CCDC187: variants seen among roughly 807,000 people sequenced by gnomAD.
CCDC187 encodes coiled-coil domain-containing protein 187.
A neutral mutation model predicts 38.0 loss-of-function variants in CCDC187; 32 were observed. The observed-to-expected ratio is 0.84, with a 90% CI of 0.64 to 1.13. The LOEUF is 1.13. Among genes scored for constraint, CCDC187 ranks in the 50% most tolerant of loss-of-function variants. The pLI is 0.00. For missense variants in CCDC187, 707 were observed against 786.8 expected (o/e 0.90, Z 1.21); for synonymous variants, 333 against 347.9 (o/e 0.96, Z 0.48).
At chr9:136,288,477 C>T (rs1231125620) in intron 7 of CCDC187, among the ~76,000 whole-genome samples, 3 of 152,162 alleles carry the variant, frequency 2.0e-5, no homozygotes, top group Non-Finnish European at 4.4e-5. Flanking sequence ...CCCTCCCTGG[C>T]CTCTGAGCCA....
rs1455244179 is a variant in CCDC187, at chr9:136,264,449, G to A, written c.3736-651C>T. On this transcript the variant is annotated intron_variant, in intron 17 of 25. Transcript: ENST00000638797. The surrounding 1 kb of genome is among the most constrained non-coding windows in gnomAD (Gnocchi z 4.3). ...GGCAGCGCCTGTTCTGCCAGGCCCC[G>A]TCGTTGCCATGTGACATGCAGACCC... Among the ~76,000 whole-genome samples, 2 of 152,176 alleles carry A rather than the reference G, an allele frequency of 1.3e-5. No individual in the cohort carries two copies. The highest frequency in any genetic ancestry group is 2.4e-5 in the African/African-American group (1 of 41,434).
intron 21 of CCDC187, 49 bp from the exon 22 acceptor site, chr9:136,259,050 G>A: frequency 1.0e-6 from 1 of 984,738 alleles, no homozygotes; most frequent in Non-Finnish European, 1.2e-6. Context: ...TGAAGGGAGG[G>A]CACCAAGGGC....
At chr9:136,279,712 G>C (rs1262588307) in intron 10 of CCDC187, among the ~76,000 whole-genome samples, 1 of 152,214 alleles carries the variant, frequency 6.6e-6, no homozygotes, top group Admixed American at 6.5e-5. Context: ...ACCTCCCTGG[G>C]CTGCACTTTC....
rs893862614 is a variant in CCDC187, at chr9:136,283,372, T to C, written c.2928-1709A>G. The stretch of plus-strand genomic sequence containing the variant: ...CAGCAGGTGGAACCAGCAGAGGCTG[T>C]GTGCGCCAGCCCTGAAGCTCCAGCC... On this transcript the variant is annotated intron_variant, in intron 9 of 25. Transcript: ENST00000638797. 3.6e-3 allele frequency among the ~76,000 whole-genome samples: 548 copies of C among 152,340 alleles called. 1 individual carries two copies. Among genetic ancestry groups the C allele is most frequent in the Non-Finnish European group, 6.1e-3 (417 of 68,032 alleles).
At chr9:136,299,296 C>G (rs1227323690) in intron 3 of CCDC187, among the ~76,000 whole-genome samples, 3 of 152,184 alleles carry the variant, frequency 2.0e-5, no homozygotes, top group African/African-American at 7.2e-5. Flanking sequence ...ATGGGAGGGA[C>G]ACACCCAAAT....
intron 9 of CCDC187, among the ~76,000 whole-genome samples, chr9:136,285,143 A>G (rs1831144053): frequency 6.6e-6 from 1 of 151,740 alleles, no homozygotes; most frequent in Non-Finnish European, 1.5e-5. Context: ...CAGCCCTGAG[A>G]GCTCAGGTGG....
At chr9:136,298,410 C>T (rs1368389343) in intron 3 of CCDC187, among the ~76,000 whole-genome samples, 1 of 149,002 alleles carries the variant, frequency 6.7e-6, no homozygotes, top group Non-Finnish European at 1.5e-5. Flanking sequence ...TGTTCAAAGT[C>T]CCGCAGCGAG....
chr9:136,291,596 C>T lies in CCDC187; in HGVS notation c.1017G>A (p.Gln339=). ...IAAKCSPVCA[Q]LPDATSAYSD... Reference sequence around the variant, plus strand: ...TGTAGGCGGAGGTGGCATCGGGCAACTGGGCACAAACCGGTGAGCACTTGG... The same window carrying T: ...TGTAGGCGGAGGTGGCATCGGGCAATTGGGCACAAACCGGTGAGCACTTGG... The change falls in exon 6 of 26, where the codon CAG becomes CAA. Residue 339 remains glutamine, a synonymous_variant. Coordinates refer to ENST00000638797, the MANE Select transcript of CCDC187 (RefSeq NM_001378188.1). 2 of 398,814 alleles carry T rather than the reference C, an allele frequency of 5.0e-6. No individual in the cohort carries two copies. The highest frequency in any genetic ancestry group is 8.8e-6 in the Non-Finnish European group (2 of 226,168). The allele number at this position is 398,814 out of a possible 1,614,324, so 24.7% of individuals were successfully genotyped here.
intron 14 of CCDC187, among the ~76,000 whole-genome samples, chr9:136,274,179 C>T (rs1554762862): frequency 6.6e-6 from 1 of 152,228 alleles, no homozygotes; most frequent in Non-Finnish European, 1.5e-5. Context: ...ATGGCAGCCA[C>T]CTGGAGGCCA....
In CCDC187 at chr9:136,255,145, G is replaced by A. The variant is rs1477425487; in HGVS notation, c.4694-11C>T. 3.0e-6 allele frequency: 3 copies of A among 985,022 alleles called. No homozygotes were observed. Among genetic ancestry groups the A allele is most frequent in the Admixed American group, 6.1e-5 (1 of 16,266 alleles). 61.0% of individuals were successfully genotyped at this position (985,022 alleles called of 1,614,324 possible). ...GGACCACAGGAGCTGCTAAGAGAGG[G>A]GGCAATCAACAGTGGTCACCCTCTG... On this transcript the variant is annotated splice_polypyrimidine_tract_variant and intron_variant, in intron 25 of 25. Transcript: ENST00000638797.
At position 136,265,968 on chromosome 9, in the gene CCDC187, C is replaced by A. The variant is rs62579921; in HGVS notation, c.3723G>T (p.Leu1241Phe). Residue 1241 changes from leucine to phenylalanine, a missense_variant, in exon 17 of 26, where the codon TTG (leucine) becomes TTT (phenylalanine). Coordinates refer to ENST00000638797, the MANE Select transcript of CCDC187 (RefSeq NM_001378188.1). ...VEKQQQALSRLEKEQREIQYL... is the reference protein window; with the variant it reads ...VEKQQQALSRFEKEQREIQYL... ...GTGCTGGCCCCACCTGCTCCTTCTC[C>A]AATCTGCTGAGGGCTTGCTGCTGCT... 38 of 985,526 alleles carry A rather than the reference C, an allele frequency of 3.9e-5. No individual in the cohort carries two copies. The African/African-American group carries it at 5.9e-4, about 15-fold the overall frequency. The allele number at this position is 985,526 out of a possible 1,614,324, so 61.0% of individuals were successfully genotyped here.
rs34203589 is a variant in CCDC187 at position 136,258,783 on chromosome 9, T to C, written c.4366+149A>G. The stretch of plus-strand genomic sequence containing the variant: ...CCACTCTTCTTGCAGTGAAGGGGTC[T>C]GAGGCCAGGGTGGGGGGCCACCAGG... On this transcript the variant is annotated intron_variant, in intron 22 of 25. Transcript: ENST00000638797. This position sits in a 1 kb window ranked among gnomAD's most constrained non-coding sequence, Gnocchi z 4.3. 0.51 allele frequency: 499,594 copies of C among 985,294 alleles called. 127,698 individuals are homozygous for C. Among genetic ancestry groups the C allele is most frequent in the East Asian group, 0.67 (5,842 of 8,778 alleles). 61.0% of individuals were successfully genotyped at this position (985,294 alleles called of 1,614,324 possible). A position where few individuals can be genotyped will look rare whatever the true frequency, so the allele number is the denominator to read the frequency against.
intron 4 of CCDC187, chr9:136,295,963 C>A (rs1239503149): frequency 6.6e-6 from 1 of 152,320 alleles, no homozygotes; most frequent in Non-Finnish European, 1.5e-5. Context: ...TTCTGCTCGG[C>A]CTCTGGCCCC....
chr9:136,289,518 C>CAAAAAA (rs878962393), intron 7 of CCDC187, among the ~76,000 whole-genome samples: 29 of 67,252 alleles, frequency 4.3e-4, no homozygotes, highest in Non-Finnish European at 5.8e-4. Context: ...AACTCCATCT[C>CAAAAAA]AAAAAAAAAA....
chr9:136,267,346 A>G (rs1554761803), intron 16 of CCDC187, 38 bp downstream of exon 16: 1 of 969,848 alleles, frequency 1.0e-6, no homozygotes. Flanking sequence ...GGGCGGGGCT[A>G]CGGCGGGGCG....
intron 9 of CCDC187, among the ~76,000 whole-genome samples, chr9:136,285,282 G>C (rs976755694): frequency 2.0e-5 from 3 of 152,136 alleles, no homozygotes; most frequent in African/African-American, 7.2e-5. Flanking sequence ...GGCATTCGTG[G>C]GGGGAGTGTC....
chr9:136,289,914 C>CA (rs1164030408), intron 7 of CCDC187, 45 bp downstream of exon 7: 294 of 392,850 alleles, frequency 7.5e-4, no homozygotes, highest in Non-Finnish European at 1.1e-3. Context: ...TGGCCCCCCC[C>CA]AAGGCCCCGC....
In CCDC187 at chr9:136,257,154, C is replaced by T. The variant is rs1278984352; in HGVS notation, c.4367-313G>A. 6.6e-6 allele frequency among the ~76,000 whole-genome samples: 1 copy of T among 152,168 alleles called. No homozygotes were observed. Among genetic ancestry groups the T allele is most frequent in the Non-Finnish European group, 1.5e-5 (1 of 68,022 alleles). ...CTCTGGGAGGCCGAGGCGGGCGGAT[C>T]ACAAGGTCAGGAGTTCGAGACCAGC... On this transcript the variant is annotated intron_variant, in intron 22 of 25. Transcript: ENST00000638797. This position sits in a 1 kb window ranked among gnomAD's most constrained non-coding sequence, Gnocchi z 4.5.
Position 136,264,203 on chromosome 9 carries a change from A to AGGGCC in CCDC187, c.3736-410_3736-406dup, listed in dbSNP as rs1190224957. On this transcript the variant is annotated intron_variant, in intron 17 of 25. Transcript: ENST00000638797. This position sits in a 1 kb window ranked among gnomAD's most constrained non-coding sequence, Gnocchi z 4.3. ...CTCGGAACAACCTTGCACAGAGCCC[A>AGGGCC]GGGCCGGGCCGGGCCGTTGCACACT... 1 of 152,416 alleles carries AGGGCC rather than the reference A, an allele frequency of 6.6e-6. No individual in the cohort carries two copies. The highest frequency in any genetic ancestry group is 1.5e-5 in the Non-Finnish European group (1 of 68,206). The allele number at this position is 152,416 out of a possible 1,614,324, so 9.4% of individuals were successfully genotyped here.
Sources: allele counts gnomAD v4.1 joint callset (sites outside exome capture counted in the v4.1 genomes callset), GRCh38; gene constraint gnomAD v4.1.1; non-coding constraint Gnocchi (gnomAD v3.1); transcripts MANE v1.5; gene names NCBI Gene and HGNC (gene_info 2026-07-23, HGNC 2026-07-21).